CAPN9: variants seen among roughly 807,000 people sequenced by gnomAD.
CAPN9 encodes calpain 9.
Under a neutral mutation model 92.8 loss-of-function variants are expected in CAPN9, and 81 were observed. That is an observed-to-expected ratio of 0.87 (90% CI 0.73 to 1.05). The LOEUF is 1.05. Among genes scored for constraint, CAPN9 ranks in the 50% least tolerant of loss-of-function variants. The pLI is 0.00. For synonymous variants in CAPN9, 304 were observed against 328.0 expected (o/e 0.93, Z 0.79); for missense variants, 848 against 866.2 (o/e 0.98, Z 0.26).
chr1:230,789,932 G>T (rs1309625987), intron 13 of CAPN9, among the ~76,000 whole-genome samples, 200 bp from the exon 14 acceptor site: 2 of 152,148 alleles, frequency 1.3e-5, no homozygotes. Flanking sequence ...TCCTAGTTGG[G>T]CTGGCATGTC....
chr1:230,801,361 G>A (rs1232587944), intron 19 of CAPN9, among the ~76,000 whole-genome samples: 2 of 152,212 alleles, frequency 1.3e-5, no homozygotes, highest in Non-Finnish European at 2.9e-5. Flanking sequence ...ACTTGGAAAG[G>A]ACTCAGGTCC....
At chr1:230,750,370 C>T (rs1373150021) in intron 1 of CAPN9, among the ~76,000 whole-genome samples, 1 of 152,212 alleles carries the variant, frequency 6.6e-6, no homozygotes. Flanking sequence ...TTTCCTTTGT[C>T]TGCAACTGAA....
chr1:230,760,700 G>A (rs571341809), intron 3 of CAPN9, among the ~76,000 whole-genome samples: 65 of 152,146 alleles, frequency 4.3e-4, no homozygotes, highest in Non-Finnish European at 6.5e-4. Flanking sequence ...GCCACCACCT[G>A]GCTGTCTCCC....
chr1:230,749,016 G>A (rs1664601700), intron 1 of CAPN9, among the ~76,000 whole-genome samples: 1 of 152,200 alleles, frequency 6.6e-6, no homozygotes, highest in Admixed American at 6.5e-5. Flanking sequence ...GTGTGCACAT[G>A]TGTGTGGATA....
chr1:230,787,667 G>A, intron 13 of CAPN9, 65 bp downstream of exon 13: 1 of 1,432,594 alleles, frequency 7.0e-7, no homozygotes, highest in Non-Finnish European at 9.8e-7. Flanking sequence ...CCTAGCAAAG[G>A]GTTGCAGTCG....
At chr1:230,771,868 A>T in intron 6 of CAPN9, 146 bp from the exon 7 acceptor site, 1 of 655,666 alleles carries the variant, frequency 1.5e-6, no homozygotes, top group Non-Finnish European at 2.7e-6. Flanking sequence ...GCGAACTTCT[A>T]CATACCTTCA....
intron 1 of CAPN9, among the ~76,000 whole-genome samples, chr1:230,754,752 C>A (rs1665116682): frequency 6.6e-6 from 1 of 152,070 alleles, no homozygotes; most frequent in African/African-American, 2.4e-5. Flanking sequence ...AAGGTCAAGG[C>A]TGTAGTGAGC....
intron 12 of CAPN9, 58 bp downstream of exon 12, chr1:230,786,075 T>C: frequency 6.2e-7 from 1 of 1,609,114 alleles, no homozygotes; most frequent in Non-Finnish European, 8.5e-7. Flanking sequence ...CTGGAAACCT[T>C]CCTTCTAATC....
At chr1:230,790,093 G>T (rs1423056408) in intron 13 of CAPN9, 39 bp from the exon 14 acceptor site, 3 of 1,533,860 alleles carry the variant, frequency 2.0e-6, no homozygotes, top group Non-Finnish European at 2.7e-6. Context: ...AAAAGAAGGT[G>T]CCAAGGGCTA....
At chr1:230,776,321 C>G (rs568125902) in intron 8 of CAPN9, 3 of 152,168 alleles carry the variant, frequency 2.0e-5, no homozygotes, top group Non-Finnish European at 4.4e-5. Context: ...TCCCAAAGGC[C>G]CCACCTCCTG....
intron 11 of CAPN9, 55 bp downstream of exon 11, chr1:230,780,763 C>T (rs755652111): frequency 1.9e-5 from 27 of 1,435,530 alleles, no homozygotes; most frequent in East Asian, 4.5e-5. Context: ...TTTATTCACA[C>T]AGAAGTCACC....
chr1:230,759,902 G>C (rs1248538244), intron 3 of CAPN9, among the ~76,000 whole-genome samples: 1 of 152,196 alleles, frequency 6.6e-6, no homozygotes, highest in Non-Finnish European at 1.5e-5. Flanking sequence ...TCTGTTAAGG[G>C]TTTTATTATT....
chr1:230,774,811 G>A (rs934942744), intron 8 of CAPN9, among the ~76,000 whole-genome samples, 180 bp downstream of exon 8: 36 of 141,290 alleles, frequency 2.5e-4, no homozygotes, highest in Middle Eastern at 3.8e-3. Context: ...GTGCGATCTC[G>A]TCTCACTGCA....
chr1:230,791,437 A>G (rs1408416583), intron 14 of CAPN9, among the ~76,000 whole-genome samples: 1 of 152,208 alleles, frequency 6.6e-6, no homozygotes, highest in Non-Finnish European at 1.5e-5. Context: ...TCTCCAACAA[A>G]TTTAAATCCT....
intron 7 of CAPN9, among the ~76,000 whole-genome samples, chr1:230,772,762 T>TA (rs1320194070): frequency 8.2e-6 from 1 of 121,604 alleles, no homozygotes; most frequent in Non-Finnish European, 1.8e-5. Flanking sequence ...TTTTTTTTTT[T>TA]AAAGGAAAAA....
chr1:230,785,900 A>G, intron 11 of CAPN9, 81 bp from the exon 12 acceptor site: 1 of 1,369,510 alleles, frequency 7.3e-7, no homozygotes, highest in Non-Finnish European at 1.0e-6. Context: ...GAACCTTCCC[A>G]GGCTCTGGGC....
intron 14 of CAPN9, 90 bp downstream of exon 14, chr1:230,790,279 C>T (rs1667893047): frequency 6.5e-7 from 1 of 1,532,656 alleles, no homozygotes; most frequent in South Asian, 1.3e-5. Context: ...CTCCGAGCCG[C>T]AGATCTGCTT....
rs1667111694 is a variant in CAPN9 at position 230,780,175 on chromosome 1, A to G, written c.1115-4A>G. On this transcript the variant is annotated splice_polypyrimidine_tract_variant and splice_region_variant and intron_variant, in intron 9 of 19. Coordinates refer to ENST00000271971, the MANE Select transcript of CAPN9 (RefSeq NM_006615.3). The stretch of plus-strand genomic sequence containing the variant: ...GAAAATAATCTACCTCTCCCAAATG[A>G]CAGATACCTTTTGGACCAATCCACA... The G allele has an allele frequency of 6.2e-7, 1 of 1,611,208 alleles. No homozygotes were observed. The highest frequency in any genetic ancestry group is 1.3e-5 in the African/African-American group (1 of 74,690).
chr1:230,800,874 C>T (rs1362074632), intron 19 of CAPN9, among the ~76,000 whole-genome samples: 1 of 152,166 alleles, frequency 6.6e-6, no homozygotes, highest in Middle Eastern at 3.2e-3. Flanking sequence ...TAGGAAGCAA[C>T]AGGAGATTTT....
Sources: allele counts gnomAD v4.1 joint callset (sites outside exome capture counted in the v4.1 genomes callset), GRCh38; gene constraint gnomAD v4.1.1; transcripts MANE v1.5; gene names NCBI Gene and HGNC (gene_info 2026-07-23, HGNC 2026-07-21).